The following GPM6B variants were observed in gnomAD, a reference collection of about 807,000 sequenced individuals.
GPM6B encodes the protein glycoprotein M6B.
In GPM6B, 4 loss-of-function variants were observed where a neutral mutation model predicts 27.2. That is an observed-to-expected ratio of 0.15 (90% CI 0.07 to 0.34). The LOEUF (loss-of-function observed/expected upper bound fraction) is 0.34, where lower values mean the gene tolerates loss of function less well. Among genes scored for constraint, GPM6B ranks in the 10% least tolerant of loss-of-function variants. The probability of loss-of-function intolerance (pLI) is 1.00; values close to 1 mark genes in which losing one functional copy is unlikely to be tolerated. For missense variants in GPM6B, 183 were observed against 261.9 expected (o/e 0.70, Z 2.08); for synonymous variants, 124 against 103.1 (o/e 1.20, Z -1.23).
intron 6 of GPM6B, among the ~76,000 whole-genome samples, chrX:13,776,875 C>T (rs749090826): frequency 8.9e-6 from 1 of 111,737 alleles, no homozygotes; most frequent in Non-Finnish European, 1.9e-5. Flanking sequence ...CAAGTCATTC[C>T]AGAAATATAA....
chrX:13,838,058 G>C (rs74699583), intron 1 of GPM6B, among the ~76,000 whole-genome samples: 21,133 of 107,972 alleles, frequency 0.2, 1,960 homozygotes, highest in Admixed American at 0.45. Flanking sequence ...TTAGTAAGGG[G>C]CAATCTTCAG....
chrX:13,859,192 G>C (rs982554947), intron 1 of GPM6B, among the ~76,000 whole-genome samples: 1 of 111,977 alleles, frequency 8.9e-6, no homozygotes, highest in Non-Finnish European at 1.9e-5. Flanking sequence ...TCAACATACA[G>C]AACAGTTCCC....
At chrX:13,925,169 C>T (rs144078016) in intron 1 of GPM6B, among the ~76,000 whole-genome samples, 2,432 of 111,261 alleles carry the variant, frequency 0.022, 74 homozygotes, top group African/African-American at 0.076. Flanking sequence ...TTACCATATA[C>T]AGCTCTTATG....
At chrX:13,787,041 CAAAAAAAAAAAAAA>C (rs869123073) in intron 2 of GPM6B, among the ~76,000 whole-genome samples, 2 of 24,510 alleles carry the variant, frequency 8.2e-5, no homozygotes, top group African/African-American at 2.1e-4. Flanking sequence ...ATTAAGCCAG[CAAAAAAAAAAAAAA>C]AAAAAAAAAA....
intron 1 of GPM6B, among the ~76,000 whole-genome samples, chrX:13,929,049 CG>C (rs972757293): frequency 8.9e-6 from 1 of 111,819 alleles, no homozygotes; most frequent in African/African-American, 3.3e-5. Flanking sequence ...TGACTAAGGA[CG>C]GAACGTGCAG....
At chrX:13,857,404 A>G (rs1375683542) in intron 1 of GPM6B, among the ~76,000 whole-genome samples, 1 of 112,060 alleles carries the variant, frequency 8.9e-6, no homozygotes. Context: ...AAGTACAGAA[A>G]ATGTCTATGT....
chrX:13,823,427 G>C (rs953123658), intron 1 of GPM6B, among the ~76,000 whole-genome samples: 4 of 111,668 alleles, frequency 3.6e-5, no homozygotes, highest in Non-Finnish European at 5.6e-5. Flanking sequence ...GGAGCCTCAG[G>C]AGCCACCAAA....
intron 2 of GPM6B, among the ~76,000 whole-genome samples, chrX:13,802,698 T>C (rs2048945557): frequency 9.0e-6 from 1 of 111,628 alleles, no homozygotes; most frequent in African/African-American, 3.3e-5. Flanking sequence ...AAAGGCAAAG[T>C]ACTCTAAAAA....
At chrX:13,901,323 C>T (rs776103603) in intron 1 of GPM6B, among the ~76,000 whole-genome samples, 4 of 110,942 alleles carry the variant, frequency 3.6e-5, no homozygotes, top group South Asian at 7.7e-4. Flanking sequence ...GGAAAGCAGC[C>T]GCTTCTCCTA....
chrX:13,851,909 AC>A (rs1229617468), intron 1 of GPM6B, among the ~76,000 whole-genome samples: 1 of 105,864 alleles, frequency 9.4e-6, no homozygotes, highest in Non-Finnish European at 1.9e-5. Flanking sequence ...CCCTCCCCTG[AC>A]CCCCCAGCAA....
At chrX:13,866,237 C>T (rs1284427592) in intron 1 of GPM6B, among the ~76,000 whole-genome samples, 1 of 112,282 alleles carries the variant, frequency 8.9e-6, no homozygotes, top group African/African-American at 3.2e-5. Context: ...GTGGCACATG[C>T]CTGTAATCCC....
intron 1 of GPM6B, among the ~76,000 whole-genome samples, chrX:13,850,547 G>A (rs778452198): frequency 8.9e-6 from 1 of 112,749 alleles, no homozygotes; most frequent in East Asian, 2.8e-4. Context: ...CAGTCAGTCT[G>A]CCAAGTTACT....
At chrX:13,816,083 T>G (rs1223300212) in intron 1 of GPM6B, among the ~76,000 whole-genome samples, 1 of 112,246 alleles carries the variant, frequency 8.9e-6, no homozygotes. Context: ...CAGTCATTAT[T>G]TAGAAAAAAG....
intron 7 of GPM6B, 159 bp from the exon 8 acceptor site, chrX:13,773,189 G>GCT: frequency 2.5e-6 from 1 of 400,286 alleles, no homozygotes; most frequent in Non-Finnish European, 4.2e-6. Context: ...CTGAAAGCAT[G>GCT]CTCTACTAGT....
chrX:13,834,602 G>A (rs938196158), intron 1 of GPM6B, among the ~76,000 whole-genome samples: 1 of 111,887 alleles, frequency 8.9e-6, no homozygotes, highest in Non-Finnish European at 1.9e-5. Context: ...GCCAGAGTAG[G>A]GCTTAAAAAT....
chrX:13,800,574 C>T (rs754160680), intron 2 of GPM6B, among the ~76,000 whole-genome samples: 1 of 112,225 alleles, frequency 8.9e-6, no homozygotes, highest in East Asian at 2.8e-4. Flanking sequence ...GAATTTACTT[C>T]AAATTCAATA....
chrX:13,916,125 C>A (rs1381894812), intron 1 of GPM6B, among the ~76,000 whole-genome samples: 1 of 111,638 alleles, frequency 9.0e-6, no homozygotes, highest in Non-Finnish European at 1.9e-5. Flanking sequence ...CCTCATGAGG[C>A]TAGAGCTATA....
At chrX:13,863,699 C>A (rs2049877801) in intron 1 of GPM6B, among the ~76,000 whole-genome samples, 1 of 112,125 alleles carries the variant, frequency 8.9e-6, no homozygotes, top group South Asian at 3.7e-4. Flanking sequence ...ACCATGATCT[C>A]CTAATGGGAA....
At chrX:13,817,181 G>A (rs1332842684), upstream of GPM6B, 9 of 908,097 alleles carry the variant, frequency 9.9e-6, no homozygotes, top group Non-Finnish European at 1.2e-5. Flanking sequence ...TTCGGCGCCC[G>A]GTGGTGCCTA....
Sources: allele counts gnomAD v4.1 joint callset (sites outside exome capture counted in the v4.1 genomes callset), GRCh38; gene constraint gnomAD v4.1.1; transcripts MANE v1.5; gene names NCBI Gene and HGNC (gene_info 2026-07-23, HGNC 2026-07-21).